FLT1: variants seen among roughly 807,000 people sequenced by gnomAD.
FLT1 encodes fms related receptor tyrosine kinase 1.
In FLT1, 49 loss-of-function variants were observed where a neutral mutation model predicts 156.3. That is an observed-to-expected ratio of 0.31 (90% CI 0.25 to 0.40). FLT1 has a LOEUF of 0.40. FLT1 is among the 10% of genes least tolerant of loss of function. FLT1 has a pLI of 1.00. For missense variants in FLT1, 1,322 were observed against 1,637.2 expected (o/e 0.81, Z 3.32); for synonymous variants, 594 against 583.8 (o/e 1.02, Z -0.25).
At chr13:28,409,578 G>A (rs7329228) in intron 10 of FLT1, among the ~76,000 whole-genome samples, 3,876 of 152,052 alleles carry the variant, frequency 0.025, 150 homozygotes, top group African/African-American at 0.085. Flanking sequence ...CAAGCAATCT[G>A]CCTGCCTCAG....
intron 3 of FLT1, among the ~76,000 whole-genome samples, chr13:28,447,860 T>C (rs952504497): frequency 1.3e-5 from 2 of 150,858 alleles, no homozygotes; most frequent in African/African-American, 4.8e-5. Context: ...ATATAAAATA[T>C]ATTATAATAT....
intron 10 of FLT1, among the ~76,000 whole-genome samples, chr13:28,411,546 CAA>C (rs71086852): frequency 0.055 from 4,701 of 84,740 alleles, 116 homozygotes; most frequent in African/African-American, 0.13. Flanking sequence ...AACTCCATCT[CAA>C]AAAAAAAAAA....
intron 27 of FLT1, among the ~76,000 whole-genome samples, chr13:28,311,372 T>C (rs1180741422): frequency 6.6e-6 from 1 of 152,190 alleles, no homozygotes; most frequent in Admixed American, 6.5e-5. Flanking sequence ...AACACAATCA[T>C]AGAGAGTATA....
intron 13 of FLT1, chr13:28,387,331 A>G: frequency 9.6e-7 from 1 of 1,047,008 alleles, no homozygotes; most frequent in Non-Finnish European, 1.2e-6. Context: ...CCCAAGAATC[A>G]TATTTTGTCA....
chr13:28,356,296 G>A (rs994423414), intron 15 of FLT1, among the ~76,000 whole-genome samples: 1 of 152,158 alleles, frequency 6.6e-6, no homozygotes, highest in Non-Finnish European at 1.5e-5. Flanking sequence ...TCCCTGGCCC[G>A]GCACGGCCAT....
intron 18 of FLT1, 34 bp downstream of exon 18, chr13:28,333,991 G>A (rs1872024051): frequency 1.6e-6 from 2 of 1,260,300 alleles, no homozygotes; most frequent in Non-Finnish European, 1.2e-6. Context: ...AAATGGTGAT[G>A]GGTCAGTTGA....
chr13:28,313,304 GTA>G (rs923941437), intron 25 of FLT1, among the ~76,000 whole-genome samples: 5 of 152,140 alleles, frequency 3.3e-5, no homozygotes, highest in African/African-American at 1.2e-4. Flanking sequence ...AGATGTAAAG[GTA>G]TCAGGCTCCT....
intron 14 of FLT1, among the ~76,000 whole-genome samples, chr13:28,378,136 C>A (rs1443448113): frequency 6.6e-6 from 1 of 151,172 alleles, no homozygotes; most frequent in Non-Finnish European, 1.5e-5. Context: ...GCAACCTTCG[C>A]CTCCCGGGTT....
rs867147591 is a variant in FLT1, at chr13:28,438,272, G to A, written c.462C>T (p.Leu154=). 3 of 1,613,176 alleles carry A rather than the reference G, an allele frequency of 1.9e-6. No individual in the cohort carries two copies. The highest frequency in any genetic ancestry group is 2.2e-5 in the East Asian group (1 of 44,892). The change falls in exon 4 of 30, where the codon CTC becomes CTT. Residue 154 remains leucine, a synonymous_variant. Transcript: ENST00000282397. The part of the protein sequence containing the change: ...EIIHMTEGRE[L]VIPCRVTSPN... The stretch of plus-strand genomic sequence containing the variant: ...GTGACGTAACCCGGCAGGGAATGAC[G>A]AGCTCCCTTCCTTCAGTCATGTGTA...
intron 4 of FLT1, among the ~76,000 whole-genome samples, chr13:28,434,591 C>A (rs1027761693): frequency 1.3e-5 from 2 of 152,152 alleles, no homozygotes; most frequent in Non-Finnish European, 2.9e-5. Context: ...AATAGACAAA[C>A]CAATTAAGAG....
At chr13:28,416,246 C>CTCG (rs1468411128) in intron 10 of FLT1, among the ~76,000 whole-genome samples, 2 of 152,220 alleles carry the variant, frequency 1.3e-5, no homozygotes, top group Admixed American at 6.5e-5. Flanking sequence ...AGAGCCAGGA[C>CTCG]TCAGGCAACA....
At chr13:28,420,759 A>G (rs1377711279) in intron 10 of FLT1, among the ~76,000 whole-genome samples, 2 of 152,234 alleles carry the variant, frequency 1.3e-5, no homozygotes, top group Non-Finnish European at 2.9e-5. Context: ...ATTAACTACC[A>G]TTAACAATTG....
Position 28,300,523 on chromosome 13 carries a change from A to ACACACCCC in FLT1, c.*2643_*2644insGGGGTGTG, listed in dbSNP as rs879763229. 1 of 14,694 alleles carries ACACACCCC rather than the reference A, an allele frequency of 6.8e-5. No homozygotes were observed. The highest frequency in any genetic ancestry group is 7.6e-4 in the Non-Finnish European group (1 of 1,312). 0.9% of individuals were successfully genotyped at this position (14,694 alleles called of 1,614,324 possible). A position where few individuals can be genotyped will look rare whatever the true frequency, so the allele number is the denominator to read the frequency against. On this transcript the variant is annotated 3_prime_UTR_variant, in exon 30 of 30. Coordinates refer to ENST00000282397, the MANE Select transcript of FLT1 (RefSeq NM_002019.4). The stretch of plus-strand genomic sequence containing the variant: ...TTATGCACAAAACACACATACACCC[A>ACACACCCC]CACACACACACACACACACACACAC...
At chr13:28,329,173 C>G (rs954224444) in intron 19 of FLT1, among the ~76,000 whole-genome samples, 3 of 152,210 alleles carry the variant, frequency 2.0e-5, no homozygotes, top group South Asian at 2.1e-4. Flanking sequence ...GTCCCTACCC[C>G]CTTGGGTAAG....
intron 3 of FLT1, among the ~76,000 whole-genome samples, chr13:28,450,377 C>T (rs1200073410): frequency 6.6e-6 from 1 of 152,196 alleles, no homozygotes; most frequent in African/African-American, 2.4e-5. Flanking sequence ...AAGAATGTCT[C>T]AGCTTTCTGT....
At chr13:28,437,134 A>C (rs1341604053) in intron 4 of FLT1, among the ~76,000 whole-genome samples, 2 of 152,174 alleles carry the variant, frequency 1.3e-5, no homozygotes, top group African/African-American at 4.8e-5. Context: ...TATCTTGACC[A>C]ACTGAGGAGT....
At chr13:28,354,692 C>A (rs946722210) in intron 15 of FLT1, among the ~76,000 whole-genome samples, 2 of 151,762 alleles carry the variant, frequency 1.3e-5, no homozygotes, top group Non-Finnish European at 1.5e-5. Context: ...TTGGATATAG[C>A]CATCACTTTT....
chr13:28,409,313 C>G (rs1875997739), intron 10 of FLT1, among the ~76,000 whole-genome samples: 1 of 151,846 alleles, frequency 6.6e-6, no homozygotes, highest in South Asian at 2.1e-4. Context: ...CAGAAAAAGG[C>G]AAAGCCAACA....
chr13:28,301,330 C>T lies in FLT1; in HGVS notation c.*1837G>A, dbSNP rs1870508415. 1 of 233,194 alleles carries T rather than the reference C, an allele frequency of 4.3e-6. No homozygotes were observed. Among genetic ancestry groups the T allele is most frequent in the Non-Finnish European group, 8.5e-6 (1 of 118,020 alleles). 14.4% of individuals were successfully genotyped at this position (233,194 alleles called of 1,614,324 possible). On this transcript the variant is annotated 3_prime_UTR_variant, in exon 30 of 30. Transcript: ENST00000282397. Reference sequence around the variant, plus strand: ...ATTTGTCCTCTCTTCTGGCTCTAGCCTGCTTTTGTTTGGATTTAGATCTTG... The same window carrying T: ...ATTTGTCCTCTCTTCTGGCTCTAGCTTGCTTTTGTTTGGATTTAGATCTTG...
Sources: allele counts gnomAD v4.1 joint callset (sites outside exome capture counted in the v4.1 genomes callset), GRCh38; gene constraint gnomAD v4.1.1; transcripts MANE v1.5; gene names NCBI Gene and HGNC (gene_info 2026-07-23, HGNC 2026-07-21).